TMEM132D: variants seen among roughly 807,000 people sequenced by gnomAD.
TMEM132D encodes transmembrane protein 132D.
Under a neutral mutation model 62.3 loss-of-function variants are expected in TMEM132D, and 21 were observed. The ratio of observed to expected loss-of-function variants is 0.34; its 90% CI spans 0.24 to 0.49. The LOEUF is 0.49. Among genes scored for constraint, TMEM132D ranks in the 20% least tolerant of loss-of-function variants. The probability of loss-of-function intolerance (pLI) is 0.99; values close to 1 mark genes in which losing one functional copy is unlikely to be tolerated. For missense variants in TMEM132D, 1,346 were observed against 1,402.8 expected (o/e 0.96, Z 0.65); for synonymous variants, 621 against 575.6 (o/e 1.08, Z -1.13).
At chr12:129,310,847 G>A (rs1566029336) in intron 4 of TMEM132D, among the ~76,000 whole-genome samples, 1 of 152,160 alleles carries the variant, frequency 6.6e-6, no homozygotes, top group Non-Finnish European at 1.5e-5. Context: ...GGGCTTGCAT[G>A]CATCGTTGTC....
intron 3 of TMEM132D, among the ~76,000 whole-genome samples, chr12:129,346,736 G>A (rs1227317947): frequency 6.6e-6 from 1 of 152,106 alleles, no homozygotes; most frequent in Non-Finnish European, 1.5e-5. Flanking sequence ...AAGTAATAAA[G>A]CATATTCAAA....
chr12:129,413,095 T>C (rs574630528), intron 3 of TMEM132D, among the ~76,000 whole-genome samples: 1 of 152,176 alleles, frequency 6.6e-6, no homozygotes, highest in Non-Finnish European at 1.5e-5. Flanking sequence ...CAATATTCAA[T>C]AGTTTGAGAT....
chr12:129,248,909 G>C (rs961498890), intron 4 of TMEM132D, among the ~76,000 whole-genome samples: 1 of 151,958 alleles, frequency 6.6e-6, no homozygotes, highest in Non-Finnish European at 1.5e-5. Flanking sequence ...AGTATTCCAT[G>C]GTGTATATGT....
rs199615371 is a variant in TMEM132D, at chr12:129,836,515, T to TGC, written c.79+66744_79+66745dup. On this transcript the variant is annotated intron_variant, in intron 1 of 8. Coordinates refer to ENST00000422113, the MANE Select transcript of TMEM132D (RefSeq NM_133448.3). ...TGCAGAGTGTGTGTGTGTGTGTGTG[T>TGC]GCGCGCGTGTGTGTGTGTACCCCGA... Among the ~76,000 whole-genome samples, 390 of 151,156 alleles carry TGC rather than the reference T, an allele frequency of 2.6e-3. 1 individual carries two copies. The highest frequency in any genetic ancestry group is 6.3e-3 in the African/African-American group (259 of 41,238).
chr12:129,217,265 G>A (rs1879231828), intron 4 of TMEM132D, among the ~76,000 whole-genome samples: 1 of 152,310 alleles, frequency 6.6e-6, no homozygotes, highest in East Asian at 1.9e-4. Flanking sequence ...CATGGTTGGA[G>A]CTGGAGGTCA....
chr12:129,767,445 A>C (rs1313948279), intron 1 of TMEM132D, among the ~76,000 whole-genome samples: 1 of 151,968 alleles, frequency 6.6e-6, no homozygotes, highest in African/African-American at 2.4e-5. Context: ...CACCCCCAGA[A>C]CTCTTTTCAT....
At chr12:129,534,469 TATAC>T in intron 2 of TMEM132D, among the ~76,000 whole-genome samples, 1 of 151,922 alleles carries the variant, frequency 6.6e-6, no homozygotes, top group Non-Finnish European at 1.5e-5. Flanking sequence ...TACATATATG[TATAC>T]ATAATGTAGA....
intron 5 of TMEM132D, among the ~76,000 whole-genome samples, chr12:129,164,401 A>G (rs895354136): frequency 1.1e-4 from 16 of 152,324 alleles, no homozygotes; most frequent in African/African-American, 3.9e-4. Flanking sequence ...AAATAATCAA[A>G]TGTTGGCAAG....
At chr12:129,139,656 C>T (rs1876679761) in intron 5 of TMEM132D, among the ~76,000 whole-genome samples, 1 of 152,162 alleles carries the variant, frequency 6.6e-6, no homozygotes, top group South Asian at 2.1e-4. Context: ...TATTTTATTA[C>T]CTGTTGATGT....
intron 4 of TMEM132D, among the ~76,000 whole-genome samples, chr12:129,222,791 C>T (rs938749870): frequency 6.6e-6 from 1 of 152,116 alleles, no homozygotes; most frequent in South Asian, 2.1e-4. Flanking sequence ...AAAGGGTACA[C>T]ATTTTCAGCT....
intron 1 of TMEM132D, among the ~76,000 whole-genome samples, chr12:129,785,968 C>G (rs545778679): frequency 1.6e-4 from 24 of 152,280 alleles, no homozygotes; most frequent in African/African-American, 5.8e-4. Flanking sequence ...TTTTAACCAG[C>G]CCTCTTCCCT....
chr12:129,880,511 C>G (rs1445565460), intron 1 of TMEM132D, among the ~76,000 whole-genome samples: 1 of 151,846 alleles, frequency 6.6e-6, no homozygotes, highest in South Asian at 2.1e-4. Flanking sequence ...CTGTATGAAG[C>G]CAAAATAACA....
intron 2 of TMEM132D, among the ~76,000 whole-genome samples, chr12:129,646,321 T>C (rs573960979): frequency 6.6e-6 from 1 of 152,326 alleles, no homozygotes; most frequent in East Asian, 1.9e-4. Flanking sequence ...CGATGCAGTA[T>C]GTCCAAGAGG....
chr12:129,873,659 G>A (rs915575271), intron 1 of TMEM132D, among the ~76,000 whole-genome samples: 3 of 152,188 alleles, frequency 2.0e-5, no homozygotes, highest in Admixed American at 6.5e-5. Context: ...GACTGAATGA[G>A]TGGGTCAACC....
At chr12:129,530,721 A>G (rs1001638615) in intron 3 of TMEM132D, among the ~76,000 whole-genome samples, 1 of 152,122 alleles carries the variant, frequency 6.6e-6, no homozygotes, top group African/African-American at 2.4e-5. Context: ...GGGCCGTTTC[A>G]TGAGACATGC....
chr12:129,574,724 G>A (rs1030600570), intron 2 of TMEM132D, among the ~76,000 whole-genome samples: 1 of 151,786 alleles, frequency 6.6e-6, no homozygotes, highest in Non-Finnish European at 1.5e-5. Flanking sequence ...ATAGCTCAGG[G>A]CTTTTTCACA....
At chr12:129,578,718 G>A (rs1274455356) in intron 2 of TMEM132D, among the ~76,000 whole-genome samples, 1 of 151,992 alleles carries the variant, frequency 6.6e-6, no homozygotes, top group African/African-American at 2.4e-5. Context: ...TTCTGGGCTG[G>A]GTCTGAAGGT....
At chr12:129,136,275 T>G (rs1294542355) in intron 5 of TMEM132D, among the ~76,000 whole-genome samples, 1 of 152,232 alleles carries the variant, frequency 6.6e-6, no homozygotes, top group African/African-American at 2.4e-5. Flanking sequence ...TGCTGTTAAT[T>G]GACACACTCA....
At chr12:129,361,795 T>A (rs775970611) in intron 3 of TMEM132D, among the ~76,000 whole-genome samples, 25 of 152,196 alleles carry the variant, frequency 1.6e-4, no homozygotes, top group Non-Finnish European at 3.7e-4. Flanking sequence ...CATAAAATGA[T>A]TGACAAACAA....
Sources: allele counts gnomAD v4.1 joint callset (sites outside exome capture counted in the v4.1 genomes callset), GRCh38; gene constraint gnomAD v4.1.1; transcripts MANE v1.5; gene names NCBI Gene and HGNC (gene_info 2026-07-23, HGNC 2026-07-21).